INTS10: variants seen among roughly 807,000 people sequenced by gnomAD.
The protein encoded by INTS10 is chromosome 8 open reading frame 35.
Under a neutral mutation model 94.4 loss-of-function variants are expected in INTS10, and 44 were observed. The observed-to-expected ratio is 0.47, with a 90% CI of 0.37 to 0.60. The LOEUF (loss-of-function observed/expected upper bound fraction) is 0.60. Among genes scored for constraint, INTS10 ranks in the 20% least tolerant of loss-of-function variants. The pLI is 0.00. For missense variants in INTS10, 797 were observed against 868.7 expected (o/e 0.92, Z 1.04); for synonymous variants, 341 against 320.7 (o/e 1.06, Z -0.68).
At chr8:19,823,071 A>G (rs182065536) in intron 5 of INTS10, among the ~76,000 whole-genome samples, 8 of 152,322 alleles carry the variant, frequency 5.3e-5, no homozygotes, top group Non-Finnish European at 7.4e-5. Flanking sequence ...TCTGAATTCA[A>G]TGGAAGAACT....
intron 4 of INTS10, 51 bp downstream of exon 4, chr8:19,820,569 A>C (rs2066293882): frequency 2.0e-6 from 3 of 1,525,770 alleles, no homozygotes; most frequent in Non-Finnish European, 2.7e-6. Flanking sequence ...ATGGGTCATC[A>C]ACAGATTCAT....
In INTS10 at chr8:19,824,777, A is replaced by G. The variant is rs755696989; in HGVS notation, c.837-26A>G. 7.0e-6 allele frequency: 11 copies of G among 1,562,302 alleles called. No homozygotes were observed. The South Asian group carries it at 1.1e-4, about 16-fold the overall frequency. ...GCTGACCAGCCCAGAGTAATCAAAT[A>G]AGTTTCATCATTCCTTCCTTTTTAG... is the stretch of plus-strand genomic sequence containing the variant. On this transcript the variant is annotated intron_variant, in intron 7 of 16. Coordinates refer to ENST00000397977, the MANE Select transcript of INTS10 (RefSeq NM_018142.4).
chr8:19,835,206 C>G (rs1019642788), intron 12 of INTS10, among the ~76,000 whole-genome samples: 38 of 152,152 alleles, frequency 2.5e-4, no homozygotes, highest in African/African-American at 8.9e-4. Context: ...TGTCACCACC[C>G]TAATCCATGC....
intron 9 of INTS10, among the ~76,000 whole-genome samples, chr8:19,829,365 A>AT (rs56091429): frequency 0.68 from 102,194 of 150,308 alleles, 34,660 homozygotes; most frequent in South Asian, 0.72. Context: ...TTACCTTTAC[A>AT]TTTTTTTTTT....
At chr8:19,825,158 T>A (rs566470546) in intron 8 of INTS10, among the ~76,000 whole-genome samples, 186 bp downstream of exon 8, 1 of 152,328 alleles carries the variant, frequency 6.6e-6, no homozygotes, top group East Asian at 1.9e-4. Context: ...TAAGTATATT[T>A]CATTAAAAGT....
Position 19,849,190 on chromosome 8 carries a change from C to T in INTS10, c.1977-2459C>T. On this transcript the variant is annotated intron_variant, in intron 16 of 16. Transcript: ENST00000397977. This position sits in a 1 kb window ranked among gnomAD's most constrained non-coding sequence, Gnocchi z 4.6. ...TTCTAGCCCTCCCATGGGGTTACTG[C>T]AGCAGGAATTCTTACCTGTGCTTCA... 1 of 1,289,668 alleles carries T rather than the reference C, an allele frequency of 7.8e-7. No homozygotes were observed. The highest frequency in any genetic ancestry group is 1.0e-6 in the Non-Finnish European group (1 of 988,766). The allele number at this position is 1,289,668 out of a possible 1,614,324, so 79.9% of individuals were successfully genotyped here. A position where few individuals can be genotyped will look rare whatever the true frequency, so the allele number is the denominator to read the frequency against.
intron 13 of INTS10, among the ~76,000 whole-genome samples, chr8:19,838,210 C>T (rs1247904102): frequency 6.6e-6 from 1 of 151,844 alleles, no homozygotes; most frequent in East Asian, 1.9e-4. Flanking sequence ...ATAAAAATTA[C>T]CCGGGTGTGG....
At chr8:19,835,658 C>G (rs2067598946) in intron 12 of INTS10, among the ~76,000 whole-genome samples, 1 of 152,198 alleles carries the variant, frequency 6.6e-6, no homozygotes, top group African/African-American at 2.4e-5. Flanking sequence ...TAGGTTACCT[C>G]ATCCAGGCCT....
At chr8:19,834,404 C>T (rs1358246552) in intron 12 of INTS10, among the ~76,000 whole-genome samples, 2 of 152,040 alleles carry the variant, frequency 1.3e-5, no homozygotes, top group African/African-American at 4.8e-5. Context: ...AATGCTTTTC[C>T]ACCATTATTT....
chr8:19,839,421 C>T (rs545355176), intron 13 of INTS10, among the ~76,000 whole-genome samples: 2 of 152,194 alleles, frequency 1.3e-5, no homozygotes, highest in Middle Eastern at 3.4e-3. Context: ...CATATTTGGC[C>T]AGGCATGGTG....
At position 19,817,452 on chromosome 8, in the gene INTS10, CGGCGGCGGTGGCTGCCGT is replaced by C. The variant is rs929323807; in HGVS notation, c.-79_-62del. On this transcript the variant is annotated 5_prime_UTR_variant, in exon 1 of 17. Transcript: ENST00000397977. Reference sequence around the variant, plus strand: ...GTAGCCTCCCCCGCGGTGGCGGCGGCGGCGGCGGTGGCTGCCGTGGCGGCTGAGAGTCCAGAGCCGGAC... The same window carrying C: ...GTAGCCTCCCCCGCGGTGGCGGCGGCGGCGGCTGAGAGTCCAGAGCCGGAC... 2.0e-6 allele frequency: 3 copies of C among 1,517,288 alleles called. No homozygotes were observed. The African/African-American group carries it at 4.1e-5, about 21-fold the overall frequency. The allele number at this position is 1,517,288 out of a possible 1,614,324, so 94.0% of individuals were successfully genotyped here. A position where few individuals can be genotyped will look rare whatever the true frequency, so the allele number is the denominator to read the frequency against.
At chr8:19,825,222 C>T (rs1210213405) in intron 8 of INTS10, among the ~76,000 whole-genome samples, 1 of 152,132 alleles carries the variant, frequency 6.6e-6, no homozygotes, top group Non-Finnish European at 1.5e-5. Flanking sequence ...ATATCAAATG[C>T]CACTATTTTG....
intron 15 of INTS10, 140 bp from the exon 16 acceptor site, chr8:19,845,564 C>T (rs2068506279): frequency 1.5e-6 from 1 of 646,794 alleles, no homozygotes; most frequent in Non-Finnish European, 2.8e-6. Context: ...GCCAAGACCC[C>T]ATTTCCTTAT....
In INTS10 at chr8:19,819,551, AATG is replaced by A. The variant is rs2066204282; in HGVS notation, c.198-21_198-19del. On this transcript the variant is annotated intron_variant, in intron 2 of 16. Transcript: ENST00000397977. ...TGTATAGACTTTGACATTTTAATTT[AATG>A]TATTTATTTTAAAAATAGGTTTGTG... The A allele has an allele frequency of 6.5e-7, 1 of 1,549,394 alleles. No individual in the cohort carries two copies. The highest frequency in any genetic ancestry group is 8.8e-7 in the Non-Finnish European group (1 of 1,131,348).
chr8:19,828,448 C>G (rs1316127265), intron 9 of INTS10, among the ~76,000 whole-genome samples: 1 of 152,232 alleles, frequency 6.6e-6, no homozygotes, highest in African/African-American at 2.4e-5. Flanking sequence ...CCACCTGCTG[C>G]ATTCTTGCTT....
chr8:19,817,462 G>A lies in INTS10; in HGVS notation c.-76G>A. On this transcript the variant is annotated 5_prime_UTR_variant, in exon 1 of 17. Coordinates refer to ENST00000397977, the MANE Select transcript of INTS10 (RefSeq NM_018142.4). ...CCGCGGTGGCGGCGGCGGCGGCGGT[G>A]GCTGCCGTGGCGGCTGAGAGTCCAG... 6.5e-7 allele frequency: 1 copy of A among 1,539,492 alleles called. No individual in the cohort carries two copies. The highest frequency in any genetic ancestry group is 8.7e-7 in the Non-Finnish European group (1 of 1,146,720).
intron 7 of INTS10, 54 bp from the exon 8 acceptor site, chr8:19,824,749 C>T: frequency 7.5e-7 from 1 of 1,337,160 alleles, no homozygotes; most frequent in Non-Finnish European, 1.0e-6. Flanking sequence ...CTCTAGACTT[C>T]TTGCTGACCA....
chr8:19,844,151 C>T lies in INTS10; in HGVS notation c.1795C>T (p.Arg599Trp), dbSNP rs760330011. Residue 599 changes from arginine (R) to tryptophan (W), a missense_variant, in exon 15 of 17, where the codon CGG becomes TGG. By Grantham distance (101) the Arg-to-Trp change is moderately radical (BLOSUM62 -3). This residue lies in a region of INTS10 where 734 missense variants were observed against 787.8 expected (regional missense o/e 0.93). Transcript: ENST00000397977. ...VIVLLQQEWPRGENLFLKAVN... is the reference protein window; with the variant it reads ...VIVLLQQEWPWGENLFLKAVN... ...TGTGTTGCTTCAGCAAGAGTGGCCA[C>T]GGGGCGAGAATCTTTTCCTGAAAGC... is the stretch of plus-strand genomic sequence containing the variant. 28 of 1,613,626 alleles carry T rather than the reference C, an allele frequency of 1.7e-5. No homozygotes were observed. The highest frequency in any genetic ancestry group is 1.0e-4 in the Admixed American group (6 of 59,992).
intron 13 of INTS10, 38 bp downstream of exon 13, chr8:19,837,198 GCT>G: frequency 7.5e-7 from 1 of 1,328,424 alleles, no homozygotes; most frequent in Non-Finnish European, 1.1e-6. Flanking sequence ...TGTAAAAATA[GCT>G]TTAGAAAGCC....
Sources: gnomAD v4.1 joint callset for allele counts (sites outside exome capture counted in the v4.1 genomes callset) on GRCh38, gnomAD v4.1.1 for gene constraint, gnomAD v4.1.1 regional missense constraint, Gnocchi (gnomAD v3.1) non-coding constraint, MANE v1.5 for transcripts, NCBI Gene and HGNC (gene_info 2026-07-23, HGNC 2026-07-21) for gene names.